ZNF324B: variants seen among roughly 807,000 people sequenced by gnomAD.
ZNF324B encodes the protein zinc finger protein 324B.
Under a neutral mutation model 10.6 loss-of-function variants are expected in ZNF324B, and 7 were observed. The observed-to-expected ratio is 0.66, with a 90% CI of 0.38 to 1.24. The LOEUF is 1.24. Among genes scored for constraint, ZNF324B ranks in the 50% most tolerant of loss-of-function variants. The pLI is 0.02. For missense variants in ZNF324B, 640 were observed against 764.7 expected, an observed-to-expected ratio of 0.84 and a Z score of 1.92; for synonymous variants, 316 against 321.0, an observed-to-expected ratio of 0.98 and a Z score of 0.17.
rs1409820375 is a variant in ZNF324B at position 58,455,057 on chromosome 19, C to G, written c.239-126C>G. The G allele has an allele frequency of 7.5e-7, 1 of 1,325,972 alleles. No individual in the cohort carries two copies. The highest frequency in any genetic ancestry group is 1.1e-6 in the Non-Finnish European group (1 of 925,598). 82.1% of individuals were successfully genotyped at this position (1,325,972 alleles called of 1,614,324 possible). A position where few individuals can be genotyped will look rare whatever the true frequency, so the allele number is the denominator to read the frequency against. ...CCCCAGCCCCTCCTGCAGAGCCAGC[C>G]TCACCTCTTCTTTTTCCCTAAGCTT... On this transcript the variant is annotated intron_variant, in intron 3 of 3. Coordinates refer to ENST00000336614, the MANE Select transcript of ZNF324B (RefSeq NM_207395.3). This position sits in a 1 kb window ranked among gnomAD's most constrained non-coding sequence, Gnocchi z 7.0.
chr19:58,451,649 A>G lies in ZNF324B; in HGVS notation c.-62A>G, dbSNP rs1212442809. Reference sequence around the variant, plus strand: ...CACTTGGCTGCTCGCGTCAGGCCACACCGGTGGTCTGGGCTGTGGCGCGCG... The same window carrying G: ...CACTTGGCTGCTCGCGTCAGGCCACGCCGGTGGTCTGGGCTGTGGCGCGCG... On this transcript the variant is annotated 5_prime_UTR_variant, in exon 1 of 4. Transcript: ENST00000336614. 1.9e-6 allele frequency: 1 copy of G among 516,158 alleles called. No individual in the cohort carries two copies. Among genetic ancestry groups the G allele is most frequent in the Non-Finnish European group, 3.9e-6 (1 of 258,638 alleles). The allele number at this position is 516,158 out of a possible 1,614,324, so 32.0% of individuals were successfully genotyped here. A position where few individuals can be genotyped will look rare whatever the true frequency, so the allele number is the denominator to read the frequency against.
chr19:58,428,152 G>A, the ZNF324B span, among the ~76,000 whole-genome samples: 1 of 152,210 alleles, frequency 6.6e-6, no homozygotes, highest in Non-Finnish European at 1.5e-5. Flanking sequence ...GGGCTTCCAG[G>A]AGACGTGGCA....
the ZNF324B span, chr19:58,437,237 G>A: frequency 6.4e-7 from 1 of 1,567,812 alleles, no homozygotes; most frequent in Non-Finnish European, 8.6e-7. Flanking sequence ...ACAAACAATT[G>A]GTCAAATGGA....
At chr19:58,439,620 C>T in the ZNF324B span, 1 of 867,826 alleles carries the variant, frequency 1.2e-6, no homozygotes, top group Non-Finnish European at 1.7e-6. Flanking sequence ...AAGTGACTCC[C>T]AGGGCAGGGC....
chr19:58,451,524 C>T, upstream of ZNF324B: 1 of 476,772 alleles, frequency 2.1e-6, no homozygotes, highest in South Asian at 1.5e-5. Flanking sequence ...CGCCGAAAAA[C>T]AGGCAGGAAC....
intron 2 of ZNF324B, 37 bp from the exon 3 acceptor site, chr19:58,454,191 G>C: frequency 7.0e-7 from 1 of 1,436,698 alleles, no homozygotes; most frequent in Non-Finnish European, 9.8e-7. Flanking sequence ...GGGTTGTCTT[G>C]ACCTGGGGCT....
rs935327263 is a variant in ZNF324B at position 58,455,113 on chromosome 19, G to A, written c.239-70G>A. The A allele has an allele frequency of 1.9e-6, 3 of 1,605,012 alleles. No homozygotes were observed. The Admixed American group carries it at 5.0e-5, about 27-fold the overall frequency. On this transcript the variant is annotated intron_variant, in intron 3 of 3. Coordinates refer to ENST00000336614, the MANE Select transcript of ZNF324B (RefSeq NM_207395.3). This position sits in a 1 kb window ranked among gnomAD's most constrained non-coding sequence, Gnocchi z 7.0. ...CCGGCTCCTGGGCTCCCCCTTGCCT[G>A]TCCACTCAGCCTGCCCTGGTCCTCT... is the stretch of plus-strand genomic sequence containing the variant.
intron 1 of ZNF324B, 184 bp downstream of exon 1, chr19:58,451,888 C>T: frequency 4.0e-6 from 1 of 251,662 alleles, no homozygotes; most frequent in Non-Finnish European, 8.0e-6. Flanking sequence ...CGCGGGGCAG[C>T]CGCGGGAGGC....
the ZNF324B span, among the ~76,000 whole-genome samples, chr19:58,422,964 G>T: frequency 1.3e-5 from 2 of 151,934 alleles, no homozygotes; most frequent in Non-Finnish European, 2.9e-5. Context: ...CCGCCTCCCG[G>T]GTTCACACCA....
the ZNF324B span, among the ~76,000 whole-genome samples, chr19:58,426,003 G>A: frequency 6.6e-6 from 1 of 152,086 alleles, no homozygotes; most frequent in African/African-American, 2.4e-5. Context: ...AATCACAGTG[G>A]TGTCTATTTT....
the ZNF324B span, chr19:58,432,727 A>C: frequency 6.0e-6 from 1 of 165,520 alleles, no homozygotes; most frequent in African/African-American, 2.4e-5. Context: ...CTGTGCCCTT[A>C]GGCAGATTTT....
chr19:58,434,923 T>C, the ZNF324B span: 1 of 1,614,020 alleles, frequency 6.2e-7, no homozygotes, highest in African/African-American at 1.3e-5. Context: ...GTCCCTGTCC[T>C]TGTACCATCT....
chr19:58,428,648 C>A, the ZNF324B span: 4 of 152,176 alleles, frequency 2.6e-5, no homozygotes, highest in African/African-American at 4.8e-5. Flanking sequence ...AGGAAATCCA[C>A]AAAATATTTA....
chr19:58,433,478 C>T, the ZNF324B span: 1 of 1,614,120 alleles, frequency 6.2e-7, no homozygotes, highest in Non-Finnish European at 8.5e-7. Context: ...TGGATGCACT[C>T]ATAGGGCCTT....
At chr19:58,433,452 A>G in the ZNF324B span, 1 of 1,594,310 alleles carries the variant, frequency 6.3e-7, no homozygotes, top group East Asian at 2.3e-5. Context: ...ATCTTTCACT[A>G]AAGGCTTTTC....
chr19:58,457,310 A>T lies in ZNF324B; in HGVS notation c.*731A>T, dbSNP rs2052932487. 6.6e-6 allele frequency: 1 copy of T among 152,620 alleles called. No homozygotes were observed. Among genetic ancestry groups the T allele is most frequent in the Non-Finnish European group, 1.5e-5 (1 of 68,138 alleles). 9.5% of individuals were successfully genotyped at this position (152,620 alleles called of 1,614,324 possible). ...GAGAGGAATGCCCATGGTTCTCAGC[A>T]TTGGAAGGACAAACCTAGGATGATG... On this transcript the variant is annotated 3_prime_UTR_variant, in exon 4 of 4. Coordinates refer to ENST00000336614, the MANE Select transcript of ZNF324B (RefSeq NM_207395.3).
At chr19:58,444,548 G>C in the ZNF324B span, 3 of 152,118 alleles carry the variant, frequency 2.0e-5, no homozygotes. Context: ...TGTTCCATTT[G>C]AGGAGTATGG....
chr19:58,421,622 G>A, the ZNF324B span, among the ~76,000 whole-genome samples: 6 of 152,004 alleles, frequency 3.9e-5, no homozygotes, highest in African/African-American at 1.4e-4. Context: ...CTCGTGATCC[G>A]CCCACCTCGG....
At chr19:58,428,715 A>G in the ZNF324B span, 1 of 152,096 alleles carries the variant, frequency 6.6e-6, no homozygotes, top group African/African-American at 2.4e-5. Context: ...AGTTCTGTAC[A>G]CCCTTATCTC....
Sources: allele counts gnomAD v4.1 joint callset (sites outside exome capture counted in the v4.1 genomes callset), GRCh38; gene constraint gnomAD v4.1.1; non-coding constraint Gnocchi (gnomAD v3.1); transcripts MANE v1.5; gene names NCBI Gene and HGNC (gene_info 2026-07-23, HGNC 2026-07-21).